Variants in S1PR5 observed in about 807,000 individuals in gnomAD.
The protein encoded by S1PR5 is sphingosine 1-phosphate receptor 5.
For missense variants in S1PR5, 583 were observed against 571.7 expected (o/e 1.02, Z -0.20); for synonymous variants, 307 against 284.7 (o/e 1.08, Z -0.79).
At chr19:10,516,836 A>T (rs1568407614) in intron 1 of S1PR5, among the ~76,000 whole-genome samples, 1 of 152,142 alleles carries the variant, frequency 6.6e-6, no homozygotes, top group Non-Finnish European at 1.5e-5. Flanking sequence ...AATGCTTCGT[A>T]TCGAAGCAGG....
chr19:10,517,304 G>A, intron 1 of S1PR5, 94 bp downstream of exon 1: 2 of 904,702 alleles, frequency 2.2e-6, no homozygotes, highest in African/African-American at 3.6e-5. Flanking sequence ...AAGGAGTGGT[G>A]CGCCTTTTTA....
At position 10,514,883 on chromosome 19, in the gene S1PR5, G is replaced by A. The variant is rs1227388949; in HGVS notation, c.129C>T (p.Cys43=). 1.2e-6 allele frequency: 2 copies of A among 1,612,138 alleles called. No individual in the cohort carries two copies. Among genetic ancestry groups the A allele is most frequent in the Non-Finnish European group, 8.5e-7 (1 of 1,179,306 alleles). The change falls in exon 2 of 2, where the codon TGC becomes TGT. Residue 43 remains cysteine, a synonymous_variant. Coordinates refer to ENST00000333430, the MANE Select transcript of S1PR5 (RefSeq NM_030760.5). ...GAGLRADAVV[C]LAVCAFIVLE... is the part of the protein sequence containing the mutation. Reference sequence around the variant, plus strand: ...GCACGATGAAGGCGCACACCGCCAGGCACACCACGGCGTCGGCGCGCAGGC... The same window carrying A: ...GCACGATGAAGGCGCACACCGCCAGACACACCACGGCGTCGGCGCGCAGGC...
In S1PR5 at chr19:10,514,225, A is replaced by T; in HGVS notation, c.787T>A (p.Cys263Ser). 6.2e-7 allele frequency: 1 copy of T among 1,608,706 alleles called. No homozygotes were observed. Among genetic ancestry groups the T allele is most frequent in the Non-Finnish European group, 8.5e-7 (1 of 1,178,012 alleles). Residue 263 changes from cysteine to serine, a missense_variant, in exon 2 of 2, where the codon TGT becomes AGT. Physicochemically the swap from Cys to Ser is moderately radical, Grantham distance 112. Coordinates refer to ENST00000333430, the MANE Select transcript of S1PR5 (RefSeq NM_030760.5). The stretch of plus-strand genomic sequence containing the variant: ...AGCAGCAGGAAGAGGGGGCCCCAAC[A>T]TGCCACAAAGGCCAGGAGCACCACG... The part of the protein sequence containing the change: ...LSVVLLAFVA[C>S]WGPLFLLLLL...
At chr19:10,516,136 G>A (rs1262202209) in intron 1 of S1PR5, among the ~76,000 whole-genome samples, 1 of 151,990 alleles carries the variant, frequency 6.6e-6, no homozygotes, top group South Asian at 2.1e-4. Flanking sequence ...AAAACACAGC[G>A]ACCAAAATTC....
At chr19:10,515,290 T>A (rs1359679772) in intron 1 of S1PR5, among the ~76,000 whole-genome samples, 5 of 151,894 alleles carry the variant, frequency 3.3e-5, no homozygotes, top group East Asian at 1.9e-4. Flanking sequence ...GGTTCACACA[T>A]GGCTGGGCGC....
At position 10,513,756 on chromosome 19, in the gene S1PR5, C is replaced by G. The variant is rs1798414046; in HGVS notation, c.*59G>C. 3 of 1,575,560 alleles carry G rather than the reference C, an allele frequency of 1.9e-6. No homozygotes were observed. The South Asian group carries it at 3.5e-5, about 18-fold the overall frequency. On this transcript the variant is annotated 3_prime_UTR_variant, in exon 2 of 2. Transcript: ENST00000333430. Reference sequence around the variant, plus strand: ...CCTTTGGCTGCATTTCCTACAAATTCCTTTATGTAAAAAGAACAAGTCTGT... The same window carrying G: ...CCTTTGGCTGCATTTCCTACAAATTGCTTTATGTAAAAAGAACAAGTCTGT...
In S1PR5 at chr19:10,513,309, C is replaced by T. The variant is rs960972461; in HGVS notation, c.*506G>A. Reference sequence around the variant, plus strand: ...AGAGCAAAAGCGAAGTCCTCTATATCACCCACAAGGTCCTTCGGGAACTAC... The same window carrying T: ...AGAGCAAAAGCGAAGTCCTCTATATTACCCACAAGGTCCTTCGGGAACTAC... On this transcript the variant is annotated 3_prime_UTR_variant, in exon 2 of 2. Transcript: ENST00000333430. 2 of 322,686 alleles carry T rather than the reference C, an allele frequency of 6.2e-6. No individual in the cohort carries two copies. The highest frequency in any genetic ancestry group is 1.1e-5 in the Non-Finnish European group (2 of 179,012). The allele number at this position is 322,686 out of a possible 1,614,324, so 20.0% of individuals were successfully genotyped here.
intron 1 of S1PR5, among the ~76,000 whole-genome samples, chr19:10,515,945 C>A (rs933205881): frequency 2.6e-5 from 4 of 151,992 alleles, no homozygotes; most frequent in African/African-American, 9.7e-5. Context: ...CACACACACA[C>A]AAACACACAA....
chr19:10,514,642 G>C lies in S1PR5; in HGVS notation c.370C>G (p.Leu124Val). 1 of 1,601,216 alleles carries C rather than the reference G, an allele frequency of 6.2e-7. No individual in the cohort carries two copies. The highest frequency in any genetic ancestry group is 8.5e-7 in the Non-Finnish European group (1 of 1,176,078). ...GVFVALTASV[L>V]SLLAIALERS... ...TCCAGCGCGATGGCCAGGAGGCTCA[G>C]CACGGACGCAGTGAGTGCCACGAAG... is the stretch of plus-strand genomic sequence containing the variant. Residue 124 changes from leucine to valine, a missense_variant, in exon 2 of 2, where the codon CTG becomes GTG. Physicochemically the swap from Leu to Val is conservative, Grantham distance 32. Coordinates refer to ENST00000333430, the MANE Select transcript of S1PR5 (RefSeq NM_030760.5).
chr19:10,514,256 C>A lies in S1PR5; in HGVS notation c.756G>T (p.Thr252=). Residue 252 remains threonine, a synonymous_variant, in exon 2 of 2, where the codon ACG becomes ACT. Transcript: ENST00000333430. ...RKPRSLALLR[T]LSVVLLAFVA... ...CAAAGGCCAGGAGCACCACGCTGAG[C>A]GTGCGCAGCAAGGCCAGCGAGCGCG... The A allele has an allele frequency of 6.3e-7, 1 of 1,593,722 alleles. No homozygotes were observed. Among genetic ancestry groups the A allele is most frequent in the Non-Finnish European group, 8.5e-7 (1 of 1,170,882 alleles).
chr19:10,513,881 G>A lies in S1PR5; in HGVS notation c.1131C>T (p.Gly377=), dbSNP rs750549348. The part of the protein sequence containing the change: ...SPQRDGLDTS[G]STGSPGAPTA... ...TGGGTGCACCGGGGCTGCCTGTGGA[G>A]CCGCTGGTGTCCAGCCCGTCGCGCT... The change falls in exon 2 of 2, where the codon GGC becomes GGT. Residue 377 remains glycine, a synonymous_variant. Transcript: ENST00000333430. 1 of 1,611,600 alleles carries A rather than the reference G, an allele frequency of 6.2e-7. No homozygotes were observed. The highest frequency in any genetic ancestry group is 1.7e-5 in the Admixed American group (1 of 59,956).
rs1005534931 is a variant in S1PR5, at chr19:10,514,864, T to C, written c.148A>G (p.Ile50Val). ...AVVCLAVCAF[I>V]VLENLAVLLV... is the part of the protein sequence containing the mutation. ...AACACGGCTAGATTCTCTAGCACGA[T>C]GAAGGCGCACACCGCCAGGCACACC... Residue 50 changes from isoleucine (I) to valine (V), a missense_variant, in exon 2 of 2, where the codon ATC (isoleucine) becomes GTC (valine). Physicochemically the swap from Ile to Val is conservative, Grantham distance 29. Coordinates refer to ENST00000333430, the MANE Select transcript of S1PR5 (RefSeq NM_030760.5). 1.2e-6 allele frequency: 2 copies of C among 1,612,722 alleles called. No homozygotes were observed. Among genetic ancestry groups the C allele is most frequent in the Non-Finnish European group, 1.7e-6 (2 of 1,179,604 alleles).
rs1424327272 is a variant in S1PR5, at chr19:10,513,317, A to G, written c.*498T>C. ...AGCGAAGTCCTCTATATCACCCACA[A>G]GGTCCTTCGGGAACTACTCCTTCAG... On this transcript the variant is annotated 3_prime_UTR_variant, in exon 2 of 2. Transcript: ENST00000333430. The G allele has an allele frequency of 3.0e-6, 1 of 338,964 alleles. No individual in the cohort carries two copies. The highest frequency in any genetic ancestry group is 5.3e-6 in the Non-Finnish European group (1 of 189,668). 21.0% of individuals were successfully genotyped at this position (338,964 alleles called of 1,614,324 possible). A position where few individuals can be genotyped will look rare whatever the true frequency, so the allele number is the denominator to read the frequency against.
rs776372972 is a variant in S1PR5 at position 10,514,597 on chromosome 19, G to C, written c.415C>G (p.Arg139Gly). 1.3e-6 allele frequency: 2 copies of C among 1,580,410 alleles called. No homozygotes were observed. The highest frequency in any genetic ancestry group is 1.7e-6 in the Non-Finnish European group (2 of 1,165,466). ...CTGGAGACGGGCGCGGGCCCCCTGC[G>C]CGCCATGGTGAGGCTGCGCTCCAGC... ...IALERSLTMARRGPAPVSSRG... is the reference protein window; with the variant it reads ...IALERSLTMAGRGPAPVSSRG... The change falls in exon 2 of 2, where the codon CGC becomes GGC. Residue 139 changes from arginine (R) to glycine (G), a missense_variant. Coordinates refer to ENST00000333430, the MANE Select transcript of S1PR5 (RefSeq NM_030760.5).
rs980964387 is a variant in S1PR5, at chr19:10,512,998, G to A, written c.*817C>T. On this transcript the variant is annotated 3_prime_UTR_variant, in exon 2 of 2. Transcript: ENST00000333430. ...AGATAGGATTTGGCTGAGTCTCCCA[G>A]AGTCAAATTTGGGGGTGCCCCACCC... 6.6e-6 allele frequency: 1 copy of A among 152,154 alleles called. No individual in the cohort carries two copies. Among genetic ancestry groups the A allele is most frequent in the Non-Finnish European group, 1.5e-5 (1 of 68,062 alleles). 9.4% of individuals were successfully genotyped at this position (152,154 alleles called of 1,614,324 possible).
upstream of S1PR5, chr19:10,517,588 C>G (rs1175826581): frequency 1.0e-6 from 1 of 985,348 alleles, no homozygotes; most frequent in African/African-American, 1.7e-5. Flanking sequence ...GCCTGTGCCA[C>G]TCGCCGCGGC....
Position 10,513,913 on chromosome 19 carries a change from A to G in S1PR5, c.1099T>C (p.Ser367Pro). The change falls in exon 2 of 2, where the codon TCG becomes CCG. Residue 367 changes from serine to proline, a missense_variant. Ser to Pro is a moderately conservative substitution (Grantham distance 74). Coordinates refer to ENST00000333430, the MANE Select transcript of S1PR5 (RefSeq NM_030760.5). ...GTGTCCAGCCCGTCGCGCTGGGGCG[A>G]TGAGCGCTCCGAGCCGCTGAAGCTC... ...DGSFSGSERS[S>P]PQRDGLDTSG... The G allele has an allele frequency of 6.2e-7, 1 of 1,608,088 alleles. No individual in the cohort carries two copies. The highest frequency in any genetic ancestry group is 8.5e-7 in the Non-Finnish European group (1 of 1,178,362).
Position 10,513,661 on chromosome 19 carries a change from T to G in S1PR5, c.*154A>C. Reference sequence around the variant, plus strand: ...GTCAATTCCACGAGGGCACAGATTTTTTGTCTGTTTGTTCACATTGTGGGG... The same window carrying G: ...GTCAATTCCACGAGGGCACAGATTTGTTGTCTGTTTGTTCACATTGTGGGG... On this transcript the variant is annotated 3_prime_UTR_variant, in exon 2 of 2. Transcript: ENST00000333430. The G allele has an allele frequency of 9.3e-7, 1 of 1,072,326 alleles. No individual in the cohort carries two copies. Among genetic ancestry groups the G allele is most frequent in the Non-Finnish European group, 1.3e-6 (1 of 759,978 alleles). 66.4% of individuals were successfully genotyped at this position (1,072,326 alleles called of 1,614,324 possible).
chr19:10,514,561 T>C lies in S1PR5; in HGVS notation c.451A>G (p.Thr151Ala), dbSNP rs777593799. 1 of 1,578,242 alleles carries C rather than the reference T, an allele frequency of 6.3e-7. No individual in the cohort carries two copies. The highest frequency in any genetic ancestry group is 8.6e-7 in the Non-Finnish European group (1 of 1,163,622). ...CAGGCCGCGGCTGCCATCGCCAGCG[T>C]GCGCCCCCGACTGGAGACGGGCGCG... Reference protein sequence around the residue: ...GPAPVSSRGRTLAMAAAAWGV... With the variant: ...GPAPVSSRGRALAMAAAAWGV... Residue 151 changes from threonine (T) to alanine (A), a missense_variant, in exon 2 of 2, where the codon ACG becomes GCG. Thr to Ala is a moderately conservative substitution (Grantham distance 58). Transcript: ENST00000333430.
Sources: allele counts gnomAD v4.1 joint callset (sites outside exome capture counted in the v4.1 genomes callset), GRCh38; gene constraint gnomAD v4.1.1; transcripts MANE v1.5; gene names NCBI Gene and HGNC (gene_info 2026-07-23, HGNC 2026-07-21).